Variants in FREM3 observed in about 807,000 individuals in gnomAD.
The protein encoded by FREM3 is FRAS1 related extracellular matrix 3, also known as FRAS1-related extracellular matrix protein 3.
Under a neutral mutation model 129.1 loss-of-function variants are expected in FREM3, and 105 were observed. That is an observed-to-expected ratio of 0.81 (90% CI 0.69 to 0.96). The LOEUF is 0.96. Ranked by LOEUF, FREM3 falls within the 40% of genes least tolerant of loss-of-function variation. The probability of loss-of-function intolerance (pLI) is 0.00; values close to 1 mark genes in which losing one functional copy is unlikely to be tolerated. For missense variants in FREM3, 2,593 were observed against 2,666.3 expected, an observed-to-expected ratio of 0.97 and a Z score of 0.61; for synonymous variants, 1,014 against 1,044.9, an observed-to-expected ratio of 0.97 and a Z score of 0.57.
chr4:143,650,848 T>C (rs896760168), intron 2 of FREM3, among the ~76,000 whole-genome samples: 9 of 152,202 alleles, frequency 5.9e-5, no homozygotes, highest in African/African-American at 2.2e-4. Flanking sequence ...CCCTCTCCAG[T>C]GTACAGGCTT....
intron 2 of FREM3, among the ~76,000 whole-genome samples, chr4:143,658,203 C>G (rs1468505785): frequency 6.6e-6 from 1 of 152,158 alleles, no homozygotes; most frequent in Non-Finnish European, 1.5e-5. Flanking sequence ...CTATTCCAAC[C>G]CCAAACGAGA....
intron 2 of FREM3, among the ~76,000 whole-genome samples, chr4:143,666,589 A>G (rs1218124937): frequency 2.0e-5 from 3 of 152,166 alleles, no homozygotes; most frequent in African/African-American, 7.2e-5. Flanking sequence ...ACATGGATAA[A>G]CCTTTAAGAC....
Position 143,697,570 on chromosome 4 carries a change from T to C in FREM3, c.3106A>G (p.Ser1036Gly). 6.5e-7 allele frequency: 1 copy of C among 1,537,524 alleles called. No homozygotes were observed. Among genetic ancestry groups the C allele is most frequent in the Non-Finnish European group, 8.7e-7 (1 of 1,146,960 alleles). ...TAAGAATCTTTGGAGAGGATGAGGC[T>C]GAAGGCATCGTGCTGCTTTTGAAAA... is the stretch of plus-strand genomic sequence containing the variant. ...VGFQKQHDAF[S>G]LILSKDSYQW... The change falls in exon 1 of 8, where the codon AGC (serine) becomes GGC (glycine). Residue 1036 changes from serine to glycine, a missense_variant. Ser to Gly is a moderately conservative substitution (Grantham distance 56). Around this residue, in one of 2 missense-constraint regions of FREM3, gnomAD observed 2,276 missense variants for 2,267.2 expected, o/e 1.00. Transcript: ENST00000329798.
rs569203553 is a variant in FREM3, at chr4:143,688,059, G to T, written c.5275+5054C>A. ...AATAAAGGGCATCCAAATCAGTAAAGATGAAGTCAAACTGTCACTGTTTGC... is the reference window on the plus strand; with the variant it reads ...AATAAAGGGCATCCAAATCAGTAAATATGAAGTCAAACTGTCACTGTTTGC... On this transcript the variant is annotated intron_variant, in intron 2 of 7. Transcript: ENST00000329798. Among the ~76,000 whole-genome samples the T allele has an allele frequency of 3.9e-5, 6 of 152,284 alleles. No homozygotes were observed. In the East Asian group the frequency reaches 9.7e-4, roughly 25 times the overall value.
At chr4:143,599,933 C>T (rs1013386368) in intron 6 of FREM3, among the ~76,000 whole-genome samples, 12 of 152,142 alleles carry the variant, frequency 7.9e-5, no homozygotes, top group South Asian at 2.1e-4. Flanking sequence ...TGGCCCTGGA[C>T]TATGGGCTCA....
chr4:143,667,407 A>G (rs1479012940), intron 2 of FREM3, among the ~76,000 whole-genome samples: 1 of 152,170 alleles, frequency 6.6e-6, no homozygotes, highest in Non-Finnish European at 1.5e-5. Context: ...TTAACATTTC[A>G]TATTAAATCA....
intron 2 of FREM3, among the ~76,000 whole-genome samples, chr4:143,657,795 A>T (rs923080911): frequency 5.3e-5 from 8 of 152,122 alleles, no homozygotes; most frequent in African/African-American, 1.7e-4. Context: ...AGCCATAGGC[A>T]TAGTAAATAC....
At chr4:143,618,818 C>T (rs1392884387) in intron 5 of FREM3, among the ~76,000 whole-genome samples, 1 of 152,080 alleles carries the variant, frequency 6.6e-6, no homozygotes, top group Admixed American at 6.5e-5. Flanking sequence ...ATGGCTTGAG[C>T]CCAGGAGTTT....
chr4:143,678,233 C>T (rs139401919), intron 2 of FREM3, among the ~76,000 whole-genome samples: 1 of 152,126 alleles, frequency 6.6e-6, no homozygotes, highest in Admixed American at 6.5e-5. Context: ...AGTTCGTGTC[C>T]TTTGTAGAGA....
At chr4:143,673,567 C>T (rs1053423122) in intron 2 of FREM3, among the ~76,000 whole-genome samples, 3 of 152,200 alleles carry the variant, frequency 2.0e-5, no homozygotes, top group Non-Finnish European at 4.4e-5. Context: ...GCAGTCTGTC[C>T]GTTCTCAGAT....
intron 2 of FREM3, among the ~76,000 whole-genome samples, chr4:143,685,104 C>T (rs1390877880): frequency 6.6e-6 from 1 of 151,990 alleles, no homozygotes; most frequent in Non-Finnish European, 1.5e-5. Context: ...GGAAAACTTC[C>T]CCAGCCTCGC....
Position 143,644,272 on chromosome 4 carries a change from G to C in FREM3, c.5276-16512C>G, listed in dbSNP as rs548468562. On this transcript the variant is annotated intron_variant, in intron 2 of 7. Coordinates refer to ENST00000329798, the MANE Select transcript of FREM3 (RefSeq NM_001168235.2). ...TGTTTCTTTTATCTTGCCCTTCTCC[G>C]TGTATCTGCATCATCTTCCTATTTC... Among the ~76,000 whole-genome samples, 8 of 152,010 alleles carry C rather than the reference G, an allele frequency of 5.3e-5. No individual in the cohort carries two copies. In the East Asian group the frequency reaches 1.4e-3, roughly 26 times the overall value.
chr4:143,622,036 T>C (rs1738960261), intron 4 of FREM3, among the ~76,000 whole-genome samples: 1 of 152,076 alleles, frequency 6.6e-6, no homozygotes, highest in African/African-American at 2.4e-5. Context: ...CATATACATG[T>C]AGATTCTTCC....
chr4:143,579,452 C>T (rs559956185), intron 7 of FREM3, among the ~76,000 whole-genome samples: 1 of 152,160 alleles, frequency 6.6e-6, no homozygotes, highest in Admixed American at 6.5e-5. Context: ...GAGCCTGTCT[C>T]AAAAACAAAA....
At chr4:143,672,081 G>A (rs1031616074) in intron 2 of FREM3, among the ~76,000 whole-genome samples, 5 of 152,152 alleles carry the variant, frequency 3.3e-5, no homozygotes, top group African/African-American at 1.2e-4. Context: ...ACTGGCTAGC[G>A]AGCTAGAAAT....
intron 2 of FREM3, among the ~76,000 whole-genome samples, chr4:143,683,550 C>T (rs1740295654): frequency 6.6e-6 from 1 of 152,200 alleles, no homozygotes; most frequent in Non-Finnish European, 1.5e-5. Context: ...CAGGCCATTC[C>T]TGCCTGGCAT....
chr4:143,639,443 T>C (rs889960273), intron 2 of FREM3, among the ~76,000 whole-genome samples: 1 of 152,118 alleles, frequency 6.6e-6, no homozygotes, highest in African/African-American at 2.4e-5. Context: ...CGTTTCCCCA[T>C]CCCTCAGATG....
At chr4:143,663,374 T>C (rs1257033097) in intron 2 of FREM3, among the ~76,000 whole-genome samples, 5 of 152,280 alleles carry the variant, frequency 3.3e-5, no homozygotes, top group African/African-American at 1.2e-4. Context: ...AAATTCTGGA[T>C]TGAAAATTCT....
intron 2 of FREM3, among the ~76,000 whole-genome samples, chr4:143,674,967 A>T (rs1426343197): frequency 3.9e-5 from 6 of 152,218 alleles, no homozygotes; most frequent in Non-Finnish European, 8.8e-5. Context: ...CCCACTGAAC[A>T]TTAGACAGAT....
Sources: allele counts gnomAD v4.1 joint callset (sites outside exome capture counted in the v4.1 genomes callset), GRCh38; gene constraint gnomAD v4.1.1; regional missense constraint gnomAD v4.1.1; transcripts MANE v1.5; gene names NCBI Gene and HGNC (gene_info 2026-07-23, HGNC 2026-07-21).